EFCAB5: variants seen among roughly 807,000 people sequenced by gnomAD.
EFCAB5 encodes EF-hand calcium-binding domain-containing protein 5.
EFCAB5 carries 131 observed loss-of-function variants against 167.9 expected under a neutral mutation model. The ratio of observed to expected loss-of-function variants is 0.78; its 90% CI spans 0.68 to 0.90. The LOEUF (loss-of-function observed/expected upper bound fraction) is 0.90. EFCAB5 is among the 40% of genes least tolerant of loss of function. The pLI is 0.00. For synonymous variants in EFCAB5, 574 were observed against 602.8 expected, an observed-to-expected ratio of 0.95 and a Z score of 0.70; for missense variants, 1,663 against 1,745.2, an observed-to-expected ratio of 0.95 and a Z score of 0.84.
At chr17:29,932,149 CTTT>C (rs35344808) in intron 1 of EFCAB5, among the ~76,000 whole-genome samples, 5 of 136,572 alleles carry the variant, frequency 3.7e-5, no homozygotes, top group Admixed American at 7.4e-5. Flanking sequence ...ATTAAGATAA[CTTT>C]TTTTTTTTTT....
chr17:30,010,158 A>G (rs2068864701), intron 7 of EFCAB5, among the ~76,000 whole-genome samples: 1 of 152,150 alleles, frequency 6.6e-6, no homozygotes, highest in African/African-American at 2.4e-5. Context: ...ATGGCTGCAT[A>G]GTATTCCATG....
At chr17:29,988,998 C>T (rs1248262380) in intron 4 of EFCAB5, among the ~76,000 whole-genome samples, 1 of 152,136 alleles carries the variant, frequency 6.6e-6, no homozygotes, top group Non-Finnish European at 1.5e-5. Context: ...TTGTTAATTG[C>T]CGAGGGTTAG....
chr17:30,016,845 T>C (rs1232124962), intron 7 of EFCAB5, among the ~76,000 whole-genome samples: 1 of 152,090 alleles, frequency 6.6e-6, no homozygotes, highest in African/African-American at 2.4e-5. Context: ...TTAAATGAGA[T>C]AGGATGAGGA....
intron 7 of EFCAB5, among the ~76,000 whole-genome samples, chr17:30,014,218 T>C (rs2068976779): frequency 1.3e-5 from 2 of 152,220 alleles, no homozygotes; most frequent in Admixed American, 1.3e-4. Context: ...GTGCTTTACT[T>C]CCAACTGTGT....
At chr17:30,079,440 C>T (rs1456124491) in intron 15 of EFCAB5, among the ~76,000 whole-genome samples, 2 of 152,044 alleles carry the variant, frequency 1.3e-5, no homozygotes, top group East Asian at 1.9e-4. Context: ...CACATGTCCC[C>T]AATTTATGGA....
chr17:30,029,247 A>G (rs962466140), intron 7 of EFCAB5, among the ~76,000 whole-genome samples: 1 of 152,216 alleles, frequency 6.6e-6, no homozygotes, highest in African/African-American at 2.4e-5. Context: ...CGTTGAAAAT[A>G]TCTAAGTAAA....
chr17:29,993,766 G>A (rs1903197424), intron 5 of EFCAB5, among the ~76,000 whole-genome samples: 1 of 152,070 alleles, frequency 6.6e-6, no homozygotes, highest in Admixed American at 6.6e-5. Flanking sequence ...TCAGTTTAAA[G>A]TGAATGATTA....
At chr17:29,967,948 C>G (rs1203139142) in intron 3 of EFCAB5, among the ~76,000 whole-genome samples, 1 of 147,536 alleles carries the variant, frequency 6.8e-6, no homozygotes, top group South Asian at 2.1e-4. Context: ...GATCGTGGCT[C>G]ACTGCAGCCT....
chr17:29,962,797 GTTC>G (rs2067748801), intron 3 of EFCAB5, among the ~76,000 whole-genome samples: 1 of 151,836 alleles, frequency 6.6e-6, no homozygotes, highest in African/African-American at 2.4e-5. Flanking sequence ...CCTTTTGTTT[GTTC>G]TTCTTGTCTT....
rs372471953 is a variant in EFCAB5 at position 29,969,377 on chromosome 17, G to A, written c.767+10G>A. Reference sequence around the variant, plus strand: ...ACACTATCTGCAACAGGTACAATCTGTTATAGTTTCAGTTCATGATCTGTC... The same window carrying A: ...ACACTATCTGCAACAGGTACAATCTATTATAGTTTCAGTTCATGATCTGTC... On this transcript the variant is annotated intron_variant, in intron 4 of 22. Transcript: ENST00000394835. 16 of 1,548,784 alleles carry A rather than the reference G, an allele frequency of 1.0e-5. No individual in the cohort carries two copies. The highest frequency in any genetic ancestry group is 2.8e-5 in the African/African-American group (2 of 72,466).
chr17:30,090,235 C>T (rs988288456), intron 19 of EFCAB5, 186 bp from the exon 20 acceptor site: 4 of 740,312 alleles, frequency 5.4e-6, no homozygotes, highest in African/African-American at 1.8e-5. Flanking sequence ...TGAGCAGAGA[C>T]ATGAGTGAGC....
At chr17:30,072,546 T>G (rs1364151122) in intron 14 of EFCAB5, among the ~76,000 whole-genome samples, 1 of 152,200 alleles carries the variant, frequency 6.6e-6, no homozygotes, top group Non-Finnish European at 1.5e-5. Flanking sequence ...ATAAAGAATC[T>G]CTAAGAAACT....
At chr17:30,020,458 A>G (rs1250441084) in intron 7 of EFCAB5, among the ~76,000 whole-genome samples, 2 of 149,318 alleles carry the variant, frequency 1.3e-5, no homozygotes, top group African/African-American at 5.0e-5. Flanking sequence ...TCCGCCTTCC[A>G]GGTTCAAGCA....
chr17:30,099,717 G>A (rs1475826984), intron 22 of EFCAB5, among the ~76,000 whole-genome samples: 1 of 152,200 alleles, frequency 6.6e-6, no homozygotes, highest in Non-Finnish European at 1.5e-5. Context: ...ACTGCACAAA[G>A]GTGCTCTGCT....
At chr17:29,975,671 C>T (rs2068050564) in intron 4 of EFCAB5, among the ~76,000 whole-genome samples, 1 of 152,252 alleles carries the variant, frequency 6.6e-6, no homozygotes, top group African/African-American at 2.4e-5. Context: ...GCACAGATAT[C>T]CCTCTGGGAT....
At chr17:30,056,393 T>C (rs553856250) in intron 12 of EFCAB5, among the ~76,000 whole-genome samples, 2 of 152,320 alleles carry the variant, frequency 1.3e-5, no homozygotes, top group East Asian at 1.9e-4. Flanking sequence ...TTAAAACTTA[T>C]GGCATTAGTA....
intron 12 of EFCAB5, among the ~76,000 whole-genome samples, chr17:30,057,007 G>T (rs568365337): frequency 6.6e-6 from 1 of 152,062 alleles, no homozygotes; most frequent in African/African-American, 2.4e-5. Context: ...TAAATCAAAC[G>T]GAAGTCACTT....
At position 29,986,637 on chromosome 17, in the gene EFCAB5, A is replaced by ATTTTTTTT. The variant is rs911310972; in HGVS notation, c.768-6506_768-6499dup. On this transcript the variant is annotated intron_variant, in intron 4 of 22. Transcript: ENST00000394835. ...ATGCCTCAATTATAGGAGTATATTC[A>ATTTTTTTT]TTTTTTTTTTTTTTTTTTTTTTTTT... Among the ~76,000 whole-genome samples the ATTTTTTTT allele has an allele frequency of 2.9e-3, 168 of 58,070 alleles. 34 individuals are homozygous for ATTTTTTTT. Among genetic ancestry groups the ATTTTTTTT allele is most frequent in the African/African-American group, 6.9e-3 (98 of 14,264 alleles). The allele number at this position is 58,070 out of a possible 152,430, so 38.1% of individuals were successfully genotyped here.
chr17:29,935,068 C>T (rs2067233941), intron 1 of EFCAB5, among the ~76,000 whole-genome samples: 1 of 151,786 alleles, frequency 6.6e-6, no homozygotes, highest in African/African-American at 2.4e-5. Context: ...CTTGATAATC[C>T]AATCCCTTAT....
Sources: gnomAD v4.1 joint callset for allele counts (sites outside exome capture counted in the v4.1 genomes callset) on GRCh38, gnomAD v4.1.1 for gene constraint, MANE v1.5 for transcripts, NCBI Gene and HGNC (gene_info 2026-07-23, HGNC 2026-07-21) for gene names.